The following SCMH1 variants were observed in gnomAD, a reference collection of about 807,000 sequenced individuals.
The protein encoded by SCMH1 is Scm polycomb group protein homolog 1.
A neutral mutation model predicts 70.8 loss-of-function variants in SCMH1; 37 were observed. The ratio of observed to expected loss-of-function variants is 0.52; its 90% CI spans 0.40 to 0.69. The LOEUF (loss-of-function observed/expected upper bound fraction) is 0.69, where lower values mean the gene tolerates loss of function less well. Ranked by LOEUF, SCMH1 falls within the 30% of genes least tolerant of loss-of-function variation. The pLI, the probability that SCMH1 is intolerant of heterozygous loss-of-function variation, is 0.00. For synonymous variants in SCMH1, 292 were observed against 307.4 expected (o/e 0.95, Z 0.52); for missense variants, 607 against 827.3 (o/e 0.73, Z 3.27).
At chr1:41,241,508 C>T (rs968050982) in intron 1 of SCMH1, among the ~76,000 whole-genome samples, 1 of 151,792 alleles carries the variant, frequency 6.6e-6, no homozygotes, top group Non-Finnish European at 1.5e-5. Flanking sequence ...TCGGTGGGGG[C>T]CACGCCGCCC....
At position 41,113,164 on chromosome 1, in the gene SCMH1, C is replaced by T. The variant is rs1669640716; in HGVS notation, c.745+119G>A. The T allele has an allele frequency of 1.5e-6, 2 of 1,318,066 alleles. No individual in the cohort carries two copies. Among genetic ancestry groups the T allele is most frequent in the Non-Finnish European group, 1.0e-6 (1 of 967,748 alleles). The allele number at this position is 1,318,066 out of a possible 1,614,324, so 81.6% of individuals were successfully genotyped here. ...CTGGGTTTTTACCTAAGCTGCTGGC[C>T]CTTGCTCCTCCCCTGCATACTAGTG... On this transcript the variant is annotated intron_variant, in intron 8 of 14. Coordinates refer to ENST00000337495, the Ensembl canonical transcript of SCMH1. This position sits in a 1 kb window ranked among gnomAD's most constrained non-coding sequence, Gnocchi z 4.3.
intron 5 of SCMH1, among the ~76,000 whole-genome samples, chr1:41,146,419 T>C (rs1261157418): frequency 6.6e-6 from 1 of 152,128 alleles, no homozygotes. Flanking sequence ...GTTTATAACG[T>C]TGACAGTGGT....
chr1:41,087,186 A>G (rs1036857519), intron 8 of SCMH1, among the ~76,000 whole-genome samples: 7 of 152,152 alleles, frequency 4.6e-5, no homozygotes, highest in African/African-American at 1.4e-4. Flanking sequence ...GAAAAACACA[A>G]ATTAGATCTA....
intron 9 of SCMH1, among the ~76,000 whole-genome samples, chr1:41,071,790 G>T (rs1656614685): frequency 1.3e-5 from 2 of 151,984 alleles, no homozygotes; most frequent in South Asian, 4.1e-4. Flanking sequence ...AGCCTCCTGA[G>T]TAACTGGGAC....
chr1:41,140,911 A>C (rs532013040), intron 6 of SCMH1, among the ~76,000 whole-genome samples: 4 of 152,344 alleles, frequency 2.6e-5, no homozygotes, highest in African/African-American at 9.6e-5. Context: ...AGCATCAATA[A>C]GGTCAATTGG....
chr1:41,075,114 G>A (rs778353272), intron 9 of SCMH1, 105 bp downstream of exon 9: 17 of 1,043,654 alleles, frequency 1.6e-5, no homozygotes, highest in South Asian at 6.9e-5. Flanking sequence ...CGCCCGCCTC[G>A]GCCTCCCATT....
At chr1:41,031,921 C>T (rs1386147775) in intron 13 of SCMH1, among the ~76,000 whole-genome samples, 1 of 152,138 alleles carries the variant, frequency 6.6e-6, no homozygotes, top group African/African-American at 2.4e-5. Flanking sequence ...AAATCCTACC[C>T]CTCCCTACCC....
chr1:41,030,270 A>G (rs1644338303), intron 13 of SCMH1, among the ~76,000 whole-genome samples: 1 of 152,130 alleles, frequency 6.6e-6, no homozygotes, highest in Non-Finnish European at 1.5e-5. Context: ...AACCCCTTCT[A>G]AAAACTCAAT....
At chr1:41,222,671 T>C (rs979897124) in intron 1 of SCMH1, among the ~76,000 whole-genome samples, 6 of 152,246 alleles carry the variant, frequency 3.9e-5, no homozygotes, top group Admixed American at 3.3e-4. Context: ...CACTTGGGTA[T>C]TACGGTCCAC....
In SCMH1 at chr1:41,171,113, G is replaced by A. The variant is rs148151388; in HGVS notation, c.14-9681C>T. On this transcript the variant is annotated intron_variant, in intron 2 of 14. Coordinates refer to ENST00000337495, the Ensembl canonical transcript of SCMH1. ...TTCCACTTACCAAGGCCAATCTGGC[G>A]ATGGCCACTGCTGAGTGCCCAATCT... 1.2e-3 allele frequency among the ~76,000 whole-genome samples: 185 copies of A among 152,276 alleles called. 2 individuals are homozygous for A. Among genetic ancestry groups the A allele is most frequent in the Admixed American group, 8.2e-3 (126 of 15,296 alleles).
intron 6 of SCMH1, among the ~76,000 whole-genome samples, chr1:41,118,303 A>G (rs936533322): frequency 6.6e-6 from 1 of 152,222 alleles, no homozygotes. Context: ...TACAGAACAC[A>G]TAACGTAATG....
intron 2 of SCMH1, among the ~76,000 whole-genome samples, chr1:41,177,629 A>C (rs990236184): frequency 6.6e-6 from 1 of 152,224 alleles, no homozygotes; most frequent in African/African-American, 2.4e-5. Context: ...AACTGGAAGA[A>C]AGGGTACCAG....
intron 2 of SCMH1, among the ~76,000 whole-genome samples, chr1:41,182,440 A>T (rs895418748): frequency 1.3e-5 from 2 of 152,184 alleles, no homozygotes; most frequent in African/African-American, 4.8e-5. Context: ...TAGTTCAAAA[A>T]GTTCGGTGGC....
At chr1:41,165,566 T>C (rs560001651) in intron 2 of SCMH1, among the ~76,000 whole-genome samples, 58 of 152,278 alleles carry the variant, frequency 3.8e-4, no homozygotes, top group African/African-American at 1.4e-3. Context: ...ATCTTTTTGA[T>C]AAGAGCCAAC....
exon 14 of SCMH1, chr1:41,028,711 A>G (rs1558252114): frequency 6.2e-7 from 1 of 1,614,068 alleles, no homozygotes; most frequent in East Asian, 2.2e-5. Context: ...GCGGCTCTCC[A>G]GGTATCGGTC....
At chr1:41,097,139 T>C (rs1366014073) in intron 8 of SCMH1, among the ~76,000 whole-genome samples, 2 of 152,224 alleles carry the variant, frequency 1.3e-5, no homozygotes. Flanking sequence ...GCTCAGAGTA[T>C]TGGCCTTTAA....
intron 8 of SCMH1, among the ~76,000 whole-genome samples, chr1:41,101,096 G>A (rs773301625): frequency 1.3e-5 from 2 of 151,906 alleles, no homozygotes; most frequent in Non-Finnish European, 2.9e-5. Flanking sequence ...AAAAATAGCG[G>A]GGAAAAAAAG....
At chr1:41,159,596 T>A in intron 4 of SCMH1, 6 of 1,041,984 alleles carry the variant, frequency 5.8e-6, no homozygotes, top group Non-Finnish European at 6.5e-6. Flanking sequence ...AATTTGAACC[T>A]TGGTTCAAAT....
chr1:41,112,097 ATTATT>A (rs1669387800), intron 8 of SCMH1, among the ~76,000 whole-genome samples: 1 of 152,296 alleles, frequency 6.6e-6, no homozygotes, highest in African/African-American at 2.4e-5. Flanking sequence ...CTTAGGAGAA[ATTATT>A]TTATTTCTGT....
Sources: allele counts gnomAD v4.1 joint callset (sites outside exome capture counted in the v4.1 genomes callset), GRCh38; gene constraint gnomAD v4.1.1; non-coding constraint Gnocchi (gnomAD v3.1); transcripts MANE v1.5; gene names NCBI Gene and HGNC (gene_info 2026-07-23, HGNC 2026-07-21).